Variants in CLIP2 observed in about 807,000 individuals in gnomAD.
The protein encoded by CLIP2 is CAP-Gly domain-containing linker protein 2.
A neutral mutation model predicts 111.7 loss-of-function variants in CLIP2; 41 were observed. That is an observed-to-expected ratio of 0.37 (90% CI 0.29 to 0.48). The LOEUF (loss-of-function observed/expected upper bound fraction) is 0.48, where lower values mean the gene tolerates loss of function less well. Among genes scored for constraint, CLIP2 ranks in the 20% least tolerant of loss-of-function variants. The pLI, the probability that CLIP2 is intolerant of heterozygous loss-of-function variation, is 0.99. For missense variants in CLIP2, 1,160 were observed against 1,422.1 expected, an observed-to-expected ratio of 0.82 and a Z score of 2.96; for synonymous variants, 660 against 644.2, an observed-to-expected ratio of 1.02 and a Z score of -0.37.
intron 8 of CLIP2, chr7:74,364,994 TGTGTGTGTGTGTGTG>T (rs1324590274): frequency 1.8e-4 from 1 of 5,580 alleles, no homozygotes; most frequent in East Asian, 0.017. Context: ...TGTTTTTTGT[TGTGTGTGTGTGTGTG>T]TGTGTGTGTG....
intron 10 of CLIP2, among the ~76,000 whole-genome samples, chr7:74,377,517 A>G (rs1554313198): frequency 6.6e-6 from 1 of 151,908 alleles, no homozygotes; most frequent in African/African-American, 2.4e-5. Context: ...GGCTGTGCCC[A>G]CTCCACCAGG....
At chr7:74,313,586 A>G (rs915551475) in intron 1 of CLIP2, among the ~76,000 whole-genome samples, 1 of 150,988 alleles carries the variant, frequency 6.6e-6, no homozygotes, top group Non-Finnish European at 1.5e-5. Flanking sequence ...GAAGAGCCCA[A>G]GTGGCCAGCT....
At chr7:74,348,519 G>A (rs1236159510) in intron 3 of CLIP2, among the ~76,000 whole-genome samples, 1 of 151,970 alleles carries the variant, frequency 6.6e-6, no homozygotes, top group Non-Finnish European at 1.5e-5. Flanking sequence ...GCCGGGTGCG[G>A]TGGCTCACGC....
intron 8 of CLIP2, among the ~76,000 whole-genome samples, chr7:74,372,037 A>T (rs1790640773): frequency 6.6e-6 from 1 of 151,840 alleles, no homozygotes; most frequent in South Asian, 2.1e-4. Context: ...TATAAAGAGG[A>T]CCCTCTGGCT....
rs558403539 is a variant in CLIP2, at chr7:74,302,901, G to C, written c.-68+13167G>C. On this transcript the variant is annotated intron_variant, in intron 1 of 16. Transcript: ENST00000223398. ...CAATGGGTGCTCTCAGGGCAGCTCG[G>C]GATTTATCCCCACCCCATTCTTCCT... 3.1e-4 allele frequency among the ~76,000 whole-genome samples: 47 copies of C among 152,336 alleles called. 1 individual carries two copies. In the South Asian group the frequency reaches 9.5e-3, roughly 31 times the overall value.
At chr7:74,345,465 TC>T (rs782654408) in intron 3 of CLIP2, among the ~76,000 whole-genome samples, 87 of 151,924 alleles carry the variant, frequency 5.7e-4, no homozygotes, top group Non-Finnish European at 3.2e-4. Context: ...ACTCCTGGCC[TC>T]AAGTGATCCA....
At chr7:74,305,721 T>G (rs1457675850) in intron 1 of CLIP2, among the ~76,000 whole-genome samples, 2 of 152,146 alleles carry the variant, frequency 1.3e-5, no homozygotes, top group African/African-American at 4.8e-5. Flanking sequence ...CTTGAACTCC[T>G]GACCTCAGGT....
chr7:74,368,926 A>T (rs1386466152), intron 8 of CLIP2, among the ~76,000 whole-genome samples: 1 of 152,180 alleles, frequency 6.6e-6, no homozygotes, highest in Non-Finnish European at 1.5e-5. Flanking sequence ...TTAAAATGTA[A>T]ATCAGGCCGG....
At chr7:74,361,674 T>G (rs1443945415) in intron 7 of CLIP2, among the ~76,000 whole-genome samples, 3 of 152,178 alleles carry the variant, frequency 2.0e-5, no homozygotes, top group African/African-American at 7.2e-5. Flanking sequence ...CACGCCATCA[T>G]GCCCAGCTAA....
intron 4 of CLIP2, 37 bp from the exon 5 acceptor site, chr7:74,356,373 G>A: frequency 6.3e-7 from 1 of 1,582,756 alleles, no homozygotes; most frequent in Non-Finnish European, 8.7e-7. Context: ...AGGCTTTGGG[G>A]CCGTGACAGC....
chr7:74,342,600 G>T (rs1789688474), intron 3 of CLIP2, among the ~76,000 whole-genome samples: 2 of 152,102 alleles, frequency 1.3e-5, no homozygotes, highest in Non-Finnish European at 2.9e-5. Context: ...GCTTGGTGGG[G>T]ATGGGATCGG....
intron 1 of CLIP2, among the ~76,000 whole-genome samples, chr7:74,305,855 A>ACCCCCCCCCCCCCCCCCCCC (rs1478628381): frequency 3.1e-4 from 16 of 52,284 alleles, no homozygotes; most frequent in African/African-American, 5.6e-4. Flanking sequence ...CTGCACCCCA[A>ACCCCCCCCCCCCCCCCCCCC]CCCCCCCCCA....
At chr7:74,378,944 A>G (rs1314897426) in intron 10 of CLIP2, among the ~76,000 whole-genome samples, 5 of 152,212 alleles carry the variant, frequency 3.3e-5, no homozygotes, top group Non-Finnish European at 7.4e-5. Flanking sequence ...CCTGGGCTGA[A>G]AGAAAAGGAA....
intron 6 of CLIP2, among the ~76,000 whole-genome samples, chr7:74,357,917 C>T (rs1329200764): frequency 1.3e-5 from 2 of 150,202 alleles, no homozygotes; most frequent in African/African-American, 2.5e-5. Flanking sequence ...CCACCATGCC[C>T]AGCTAATTTT....
At chr7:74,401,289 A>G (rs782811941) in intron 15 of CLIP2, among the ~76,000 whole-genome samples, 1 of 152,220 alleles carries the variant, frequency 6.6e-6, no homozygotes, top group Non-Finnish European at 1.5e-5. Flanking sequence ...CCCCAGTTCA[A>G]GGGGCACATG....
intron 6 of CLIP2, among the ~76,000 whole-genome samples, chr7:74,359,532 T>G (rs574822571): frequency 4.4e-4 from 67 of 151,886 alleles, no homozygotes; most frequent in African/African-American, 1.3e-3. Context: ...GTTTTTTGTA[T>G]TTTTAGTAGA....
intron 2 of CLIP2, among the ~76,000 whole-genome samples, chr7:74,333,467 A>G (rs1214664306): frequency 6.7e-6 from 1 of 148,188 alleles, no homozygotes; most frequent in Non-Finnish European, 1.5e-5. Context: ...TACAGGCATG[A>G]GCCACCTTGC....
chr7:74,381,532 G>A lies in CLIP2; in HGVS notation c.2479+669G>A, dbSNP rs113830956. On this transcript the variant is annotated intron_variant, in intron 11 of 16. Coordinates refer to ENST00000223398, the MANE Select transcript of CLIP2 (RefSeq NM_003388.5). ...GTCTAAACTTCAAATGGTTCAAAGG[G>A]CATATGGCAAACTAACTCTTCACTG... is the stretch of plus-strand genomic sequence containing the variant. 733 of 452,002 alleles carry A rather than the reference G, an allele frequency of 1.6e-3. 3 individuals are homozygous for A. Among genetic ancestry groups the A allele is most frequent in the Non-Finnish European group, 2.8e-3 (620 of 225,016 alleles). 28.0% of individuals were successfully genotyped at this position (452,002 alleles called of 1,614,324 possible). A position where few individuals can be genotyped will look rare whatever the true frequency, so the allele number is the denominator to read the frequency against.
chr7:74,339,006 T>C lies in CLIP2; in HGVS notation c.678+2T>C. On this transcript the variant is annotated splice_donor_variant, in intron 3 of 16. Transcript: ENST00000223398. LOFTEE classifies it high-confidence loss of function. ...CTGCGCCTGGGGGACCGCGTGCTGG[T>C]GAGTGCGGGCAGTACTGGGCTCTGG... 6.3e-7 allele frequency: 1 copy of C among 1,595,400 alleles called. No individual in the cohort carries two copies. The highest frequency in any genetic ancestry group is 8.5e-7 in the Non-Finnish European group (1 of 1,177,950).
Sources: gnomAD v4.1 joint callset for allele counts (sites outside exome capture counted in the v4.1 genomes callset) on GRCh38, gnomAD v4.1.1 for gene constraint, MANE v1.5 for transcripts, NCBI Gene and HGNC (gene_info 2026-07-23, HGNC 2026-07-21) for gene names.